The following BBX variants were observed in gnomAD, a reference collection of about 807,000 sequenced individuals.
BBX encodes the protein HMG box transcription factor BBX.
BBX carries 30 observed loss-of-function variants against 100.2 expected under a neutral mutation model. That is an observed-to-expected ratio of 0.30 (90% CI 0.22 to 0.41). BBX has a LOEUF of 0.41. Among genes scored for constraint, BBX ranks in the 10% least tolerant of loss-of-function variants. The pLI is 1.00. For synonymous variants in BBX, 376 were observed against 388.1 expected, an observed-to-expected ratio of 0.97 and a Z score of 0.37; for missense variants, 1,023 against 1,129.8, an observed-to-expected ratio of 0.91 and a Z score of 1.35.
chr3:107,571,562 A>G (rs920978854), intron 2 of BBX, among the ~76,000 whole-genome samples: 2 of 152,144 alleles, frequency 1.3e-5, no homozygotes, highest in Non-Finnish European at 2.9e-5. Context: ...TGAAAAGACC[A>G]CTTACCTGAT....
chr3:107,692,597 T>C (rs981201469), intron 3 of BBX, among the ~76,000 whole-genome samples: 3 of 152,064 alleles, frequency 2.0e-5, no homozygotes, highest in African/African-American at 7.2e-5. Context: ...CAGTCTATCA[T>C]TGTTGGACAT....
intron 2 of BBX, among the ~76,000 whole-genome samples, chr3:107,563,325 G>C (rs910132916): frequency 6.6e-6 from 1 of 152,184 alleles, no homozygotes; most frequent in Non-Finnish European, 1.5e-5. Context: ...ATCTCACAGA[G>C]CCAGACTGAA....
Position 107,774,872 on chromosome 3 carries a change from G to A in BBX, c.2054+15G>A, listed in dbSNP as rs2067199317. 6.2e-7 allele frequency: 1 copy of A among 1,611,898 alleles called. No individual in the cohort carries two copies. On this transcript the variant is annotated intron_variant, in intron 12 of 17. Transcript: ENST00000325805. ...TGTCTCCTTGGGTAAGTGCCTGTGA[G>A]CACAGTCACCTGTACTCCACAAGCC...
At chr3:107,549,382 A>T (rs140706255) in intron 2 of BBX, among the ~76,000 whole-genome samples, 1 of 152,248 alleles carries the variant, frequency 6.6e-6, no homozygotes, top group Non-Finnish European at 1.5e-5. Context: ...AGGAAAAATA[A>T]AGCAAGGGAA....
intron 2 of BBX, among the ~76,000 whole-genome samples, chr3:107,596,504 G>T (rs571199454): frequency 2.6e-5 from 4 of 152,222 alleles, no homozygotes; most frequent in Non-Finnish European, 5.9e-5. Context: ...CTCTCTCAGG[G>T]GCTGGCAGCT....
intron 2 of BBX, among the ~76,000 whole-genome samples, chr3:107,528,320 T>C (rs1005139729): frequency 1.3e-5 from 2 of 152,206 alleles, no homozygotes; most frequent in Non-Finnish European, 1.5e-5. Flanking sequence ...GTTCTGAAAC[T>C]GAAGCCCTAG....
In BBX at chr3:107,805,702, C is replaced by A; in HGVS notation, c.*245C>A. The A allele has an allele frequency of 3.2e-6, 2 of 619,404 alleles. No individual in the cohort carries two copies. Among genetic ancestry groups the A allele is most frequent in the South Asian group, 4.1e-5 (1 of 24,286 alleles). The allele number at this position is 619,404 out of a possible 1,614,324, so 38.4% of individuals were successfully genotyped here. A position where few individuals can be genotyped will look rare whatever the true frequency, so the allele number is the denominator to read the frequency against. ...GAGCAGAAACAGAATGATCCTGGAG[C>A]TTTGCTTTCTATTGAAGGCTTTTGA... On this transcript the variant is annotated 3_prime_UTR_variant, in exon 18 of 18. Coordinates refer to ENST00000325805, the MANE Select transcript of BBX (RefSeq NM_001142568.3).
intron 3 of BBX, among the ~76,000 whole-genome samples, chr3:107,685,882 A>G (rs371013995): frequency 6.6e-6 from 1 of 152,176 alleles, no homozygotes; most frequent in Admixed American, 6.5e-5. Flanking sequence ...AACCCTGAGA[A>G]TTGTTAGATT....
chr3:107,613,010 C>T (rs1167681225), intron 2 of BBX, among the ~76,000 whole-genome samples: 1 of 152,064 alleles, frequency 6.6e-6, no homozygotes. Flanking sequence ...AGAGGAGTCT[C>T]TCAGTGTCCA....
chr3:107,624,132 C>T (rs1165921088), intron 2 of BBX, among the ~76,000 whole-genome samples: 1 of 152,184 alleles, frequency 6.6e-6, no homozygotes, highest in Non-Finnish European at 1.5e-5. Flanking sequence ...TCCGAGAAAG[C>T]TTCTCAACCC....
chr3:107,578,654 T>G (rs2052017582), intron 2 of BBX, among the ~76,000 whole-genome samples: 1 of 152,164 alleles, frequency 6.6e-6, no homozygotes, highest in Non-Finnish European at 1.5e-5. Flanking sequence ...CTCGTGGCCC[T>G]GAAACAGGCT....
At chr3:107,754,357 A>G (rs888655678) in intron 9 of BBX, among the ~76,000 whole-genome samples, 10 of 152,226 alleles carry the variant, frequency 6.6e-5, no homozygotes, top group African/African-American at 2.4e-4. Context: ...CCAGAAGAAA[A>G]TATTCCAAAC....
intron 7 of BBX, among the ~76,000 whole-genome samples, chr3:107,733,743 C>G (rs762645963): frequency 4.6e-5 from 7 of 152,176 alleles, no homozygotes; most frequent in Non-Finnish European, 7.4e-5. Context: ...TCTGGGATCA[C>G]AGATGTGAGC....
intron 11 of BBX, among the ~76,000 whole-genome samples, chr3:107,774,248 T>C (rs1389961029): frequency 1.3e-5 from 2 of 152,200 alleles, no homozygotes; most frequent in Non-Finnish European, 1.5e-5. Flanking sequence ...TTTTAAAATA[T>C]AGCATCTGCC....
At chr3:107,573,942 C>G (rs1261891077) in intron 2 of BBX, among the ~76,000 whole-genome samples, 2 of 152,188 alleles carry the variant, frequency 1.3e-5, no homozygotes, top group African/African-American at 2.4e-5. Context: ...TCAGGCTGCT[C>G]TCAAACTCCT....
chr3:107,525,148 GGTCCCCGGCGCCGAC>G (rs1200169097), intron 1 of BBX, among the ~76,000 whole-genome samples: 6 of 148,474 alleles, frequency 4.0e-5, no homozygotes, highest in Non-Finnish European at 9.0e-5. Flanking sequence ...GGGCGCCGGG[GGTCCCCGGCGCCGAC>G]GTCCCCGCGC....
chr3:107,640,712 G>C (rs978605059), intron 2 of BBX, among the ~76,000 whole-genome samples: 1 of 152,160 alleles, frequency 6.6e-6, no homozygotes, highest in Non-Finnish European at 1.5e-5. Flanking sequence ...GCCCAGGCTG[G>C]TGTGCAGTAG....
intron 15 of BBX, 147 bp downstream of exon 15, chr3:107,791,446 A>G: frequency 1.5e-6 from 1 of 670,544 alleles, no homozygotes; most frequent in African/African-American, 1.8e-5. Context: ...TAATTTTCAC[A>G]TCAAAGCTGC....
At chr3:107,659,478 A>C (rs1465444069) in intron 3 of BBX, 1 of 158,492 alleles carries the variant, frequency 6.3e-6, no homozygotes, top group Non-Finnish European at 1.4e-5. Context: ...AATTTTGATA[A>C]ATGCATACAC....
Sources: allele counts gnomAD v4.1 joint callset (sites outside exome capture counted in the v4.1 genomes callset), GRCh38; gene constraint gnomAD v4.1.1; transcripts MANE v1.5; gene names NCBI Gene and HGNC (gene_info 2026-07-23, HGNC 2026-07-21).